Variants in GALNTL6 observed in about 807,000 individuals in gnomAD.
GALNTL6 encodes polypeptide N-acetylgalactosaminyltransferase-like 6.
A neutral mutation model predicts 73.7 loss-of-function variants in GALNTL6; 46 were observed. The observed-to-expected ratio is 0.62, with a 90% confidence interval of 0.49 to 0.80. The LOEUF (loss-of-function observed/expected upper bound fraction) is 0.80, where lower values mean the gene tolerates loss of function less well. GALNTL6 is among the 30% of genes least tolerant of loss of function. The pLI is 0.00. For missense variants in GALNTL6, 604 were observed against 755.0 expected (o/e 0.80, Z 2.34); for synonymous variants, 259 against 263.7 (o/e 0.98, Z 0.17).
At chr4:171,922,269 G>A (rs985706843) in intron 2 of GALNTL6, among the ~76,000 whole-genome samples, 1 of 151,952 alleles carries the variant, frequency 6.6e-6, no homozygotes, top group Non-Finnish European at 1.5e-5. Flanking sequence ...TTCCCTTACT[G>A]ATAACATACC....
At chr4:172,276,978 C>G (rs1476263335) in intron 3 of GALNTL6, among the ~76,000 whole-genome samples, 5 of 151,948 alleles carry the variant, frequency 3.3e-5, no homozygotes, top group Non-Finnish European at 5.9e-5. Context: ...ATAGTTTTGA[C>G]CATTATATCT....
intron 8 of GALNTL6, among the ~76,000 whole-genome samples, chr4:172,918,663 C>A (rs1747649905): frequency 6.6e-6 from 1 of 152,152 alleles, no homozygotes; most frequent in Non-Finnish European, 1.5e-5. Context: ...AATAGGCTGT[C>A]CACTAGGTAG....
At chr4:172,445,760 T>G (rs1457060540) in intron 5 of GALNTL6, among the ~76,000 whole-genome samples, 2 of 152,182 alleles carry the variant, frequency 1.3e-5, no homozygotes, top group Non-Finnish European at 1.5e-5. Context: ...GTAAATTATT[T>G]GAATGTATGA....
chr4:172,927,176 T>C (rs1330293265), intron 8 of GALNTL6, among the ~76,000 whole-genome samples: 2 of 152,226 alleles, frequency 1.3e-5, no homozygotes, highest in Non-Finnish European at 2.9e-5. Flanking sequence ...GTAGAGAAAG[T>C]AGTCCACTTG....
chr4:172,071,995 G>A (rs1731545961), intron 2 of GALNTL6, among the ~76,000 whole-genome samples: 1 of 152,130 alleles, frequency 6.6e-6, no homozygotes, highest in South Asian at 2.1e-4. Flanking sequence ...CTTCCAAGAT[G>A]GTTACTAGAG....
Position 172,121,560 on chromosome 4 carries a change from G to A in GALNTL6, c.139-108096G>A, listed in dbSNP as rs79682661. ...TTTGATTGTCCCTTGGTGCCTAGAT[G>A]AACCTGTCCTGGTTGGTCTGGTCTG... is the stretch of plus-strand genomic sequence containing the variant. On this transcript the variant is annotated intron_variant, in intron 2 of 12. Coordinates refer to ENST00000506823, the MANE Select transcript of GALNTL6 (RefSeq NM_001034845.3). Among the ~76,000 whole-genome samples, 642 of 152,236 alleles carry A rather than the reference G, an allele frequency of 4.2e-3. 6 individuals are homozygous for A. The highest frequency in any genetic ancestry group is 0.032 in the East Asian group (164 of 5,170).
At chr4:172,384,924 T>C (rs928115450) in intron 5 of GALNTL6, among the ~76,000 whole-genome samples, 33 of 151,860 alleles carry the variant, frequency 2.2e-4, no homozygotes, top group Admixed American at 2.0e-3. Context: ...GTTTGTTGTG[T>C]TGGGTTTTTA....
chr4:172,828,271 CAAAA>C (rs35836916), intron 7 of GALNTL6, among the ~76,000 whole-genome samples: 5 of 122,370 alleles, frequency 4.1e-5, no homozygotes, highest in Admixed American at 8.4e-5. Context: ...GACTCCATCT[CAAAA>C]AAAAAAAAAA....
intron 2 of GALNTL6, among the ~76,000 whole-genome samples, chr4:172,183,348 C>T (rs1211097562): frequency 1.3e-5 from 2 of 152,074 alleles, no homozygotes; most frequent in Non-Finnish European, 2.9e-5. Context: ...ATAGGGATAT[C>T]CTTAGAGAAA....
At chr4:172,206,189 C>T (rs1011214671) in intron 2 of GALNTL6, among the ~76,000 whole-genome samples, 4 of 152,160 alleles carry the variant, frequency 2.6e-5, no homozygotes, top group African/African-American at 7.2e-5. Flanking sequence ...GAAGTGCATT[C>T]TAATTCTGCT....
chr4:172,896,525 G>A (rs1746340135), intron 8 of GALNTL6, among the ~76,000 whole-genome samples: 1 of 152,192 alleles, frequency 6.6e-6, no homozygotes, highest in African/African-American at 2.4e-5. Context: ...TGTCCCAGTG[G>A]CCCAGACAAG....
intron 2 of GALNTL6, among the ~76,000 whole-genome samples, chr4:171,973,049 C>T (rs1376243547): frequency 6.6e-6 from 1 of 152,042 alleles, no homozygotes; most frequent in East Asian, 1.9e-4. Context: ...TCATTGAATG[C>T]TACTCTTAAT....
chr4:171,907,893 A>T (rs1382804327), intron 2 of GALNTL6, among the ~76,000 whole-genome samples: 1 of 151,900 alleles, frequency 6.6e-6, no homozygotes, highest in Non-Finnish European at 1.5e-5. Flanking sequence ...AAGCAATGGG[A>T]AAAGGATTCC....
At chr4:172,462,512 C>T (rs538712018) in intron 5 of GALNTL6, among the ~76,000 whole-genome samples, 1 of 152,182 alleles carries the variant, frequency 6.6e-6, no homozygotes, top group Non-Finnish European at 1.5e-5. Flanking sequence ...CTTAGTGATC[C>T]GCTAACCTAC....
At chr4:172,820,040 A>C (rs1026129439) in intron 7 of GALNTL6, among the ~76,000 whole-genome samples, 6 of 147,674 alleles carry the variant, frequency 4.1e-5, no homozygotes, top group African/African-American at 1.5e-4. Context: ...ACTGGGTCAA[A>C]CAAAATCACT....
chr4:172,438,780 A>T (rs1016078376), intron 5 of GALNTL6, among the ~76,000 whole-genome samples: 2 of 151,878 alleles, frequency 1.3e-5, no homozygotes, highest in African/African-American at 4.8e-5. Flanking sequence ...TTACCTCTAC[A>T]TTATACCTTC....
chr4:172,718,683 CAT>C (rs887230309), intron 5 of GALNTL6, among the ~76,000 whole-genome samples: 1 of 152,002 alleles, frequency 6.6e-6, no homozygotes, highest in African/African-American at 2.4e-5. Context: ...AAAACTGTCA[CAT>C]GTCAAAAGAA....
intron 5 of GALNTL6, among the ~76,000 whole-genome samples, chr4:172,635,471 A>G (rs373668227): frequency 1.2e-4 from 19 of 152,056 alleles, no homozygotes; most frequent in East Asian, 9.6e-4. Context: ...GGCAAGATCA[A>G]TCTCCCCCTG....
chr4:172,762,248 A>C (rs911484792), intron 5 of GALNTL6, among the ~76,000 whole-genome samples: 1 of 152,190 alleles, frequency 6.6e-6, no homozygotes, highest in Non-Finnish European at 1.5e-5. Flanking sequence ...GCAGAGGTAC[A>C]AGAGGGAAAA....
Sources: gnomAD v4.1 joint callset for allele counts (sites outside exome capture counted in the v4.1 genomes callset) on GRCh38, gnomAD v4.1.1 for gene constraint, MANE v1.5 for transcripts, NCBI Gene and HGNC (gene_info 2026-07-23, HGNC 2026-07-21) for gene names.